LMBR1: variants seen among roughly 807,000 people sequenced by gnomAD.
The protein encoded by LMBR1 is limb region 1 protein homolog.
In LMBR1, 52 loss-of-function variants were observed where a neutral mutation model predicts 73.9. The ratio of observed to expected loss-of-function variants is 0.70; its 90% CI spans 0.56 to 0.89. The LOEUF (loss-of-function observed/expected upper bound fraction) is 0.89, where lower values mean the gene tolerates loss of function less well. LMBR1 is among the 40% of genes least tolerant of loss of function. The probability of loss-of-function intolerance (pLI) is 0.00; values close to 1 mark genes in which losing one functional copy is unlikely to be tolerated. For missense variants in LMBR1, 539 were observed against 579.8 expected, an observed-to-expected ratio of 0.93 and a Z score of 0.72; for synonymous variants, 215 against 209.4, an observed-to-expected ratio of 1.03 and a Z score of -0.23.
chr7:156,724,285 T>C lies in LMBR1; in HGVS notation c.1159-107A>G, dbSNP rs1815250237. ...TGTGCATTCTAGTTACCTAGTGTAC[T>C]TTGCCGATTTCTTAATGATACTATT... On this transcript the variant is annotated intron_variant, in intron 14 of 16. Coordinates refer to ENST00000353442, the MANE Select transcript of LMBR1 (RefSeq NM_022458.4). 2.0e-5 allele frequency: 15 copies of C among 768,268 alleles called. No individual in the cohort carries two copies. In the South Asian group the frequency reaches 2.5e-4, roughly 13 times the overall value. 47.6% of individuals were successfully genotyped at this position (768,268 alleles called of 1,614,324 possible).
At chr7:156,734,480 T>C (rs1817479310) in intron 9 of LMBR1, among the ~76,000 whole-genome samples, 1 of 152,088 alleles carries the variant, frequency 6.6e-6, no homozygotes, top group Non-Finnish European at 1.5e-5. Flanking sequence ...TAATGGACTA[T>C]GGAGAGTCAG....
chr7:156,717,743 G>C (rs1021115860), intron 15 of LMBR1, among the ~76,000 whole-genome samples: 1 of 152,104 alleles, frequency 6.6e-6, no homozygotes, highest in Non-Finnish European at 1.5e-5. Flanking sequence ...ACTCTCTCTA[G>C]GCAGCATAGG....
At chr7:156,761,525 T>A (rs1290995159) in intron 8 of LMBR1, among the ~76,000 whole-genome samples, 1 of 152,224 alleles carries the variant, frequency 6.6e-6, no homozygotes, top group Non-Finnish European at 1.5e-5. Flanking sequence ...CTTTTTGATA[T>A]TAGGCAATGG....
At chr7:156,777,459 A>G (rs968920670) in intron 5 of LMBR1, among the ~76,000 whole-genome samples, 5 of 152,154 alleles carry the variant, frequency 3.3e-5, no homozygotes, top group Non-Finnish European at 5.9e-5. Flanking sequence ...CTGTGGCCCA[A>G]TCTCAGATGT....
At chr7:156,830,342 T>C (rs920985266) in intron 3 of LMBR1, among the ~76,000 whole-genome samples, 1 of 152,208 alleles carries the variant, frequency 6.6e-6, no homozygotes, top group South Asian at 2.1e-4. Flanking sequence ...AGTATTTCAA[T>C]TTTTTTAAAT....
chr7:156,876,929 A>T (rs1317035114), intron 1 of LMBR1, among the ~76,000 whole-genome samples: 2 of 152,140 alleles, frequency 1.3e-5, no homozygotes, highest in African/African-American at 4.8e-5. Context: ...AACAAGAACA[A>T]ACCAAACCCA....
At chr7:156,802,040 T>C (rs977375986) in intron 4 of LMBR1, among the ~76,000 whole-genome samples, 1 of 152,222 alleles carries the variant, frequency 6.6e-6, no homozygotes, top group South Asian at 2.1e-4. Flanking sequence ...TGGAGTGCAA[T>C]GGCGCAATCT....
At chr7:156,830,792 T>G (rs1836546267) in intron 3 of LMBR1, among the ~76,000 whole-genome samples, 1 of 152,212 alleles carries the variant, frequency 6.6e-6, no homozygotes, top group African/African-American at 2.4e-5. Context: ...ATCTCGGAGA[T>G]TCTACCTCAG....
intron 14 of LMBR1, 120 bp downstream of exon 14, chr7:156,725,315 T>C (rs1815503645): frequency 1.6e-6 from 1 of 620,938 alleles, no homozygotes; most frequent in African/African-American, 1.9e-5. Flanking sequence ...AGTTTGTGTT[T>C]ACGCAACTTA....
At position 156,893,097 on chromosome 7, in the gene LMBR1, G is replaced by T. The variant is rs1803475754; in HGVS notation, c.-104C>A. 1.7e-6 allele frequency: 2 copies of T among 1,164,214 alleles called. No homozygotes were observed. The highest frequency in any genetic ancestry group is 3.3e-5 in the East Asian group (1 of 30,372). The allele number at this position is 1,164,214 out of a possible 1,614,324, so 72.1% of individuals were successfully genotyped here. A position where few individuals can be genotyped will look rare whatever the true frequency, so the allele number is the denominator to read the frequency against. ...ACAGCCGCGCCGGGGACCGGAGCCG[G>T]CACGGGCCCGCGAGCCGTGTTGGAA... On this transcript the variant is annotated 5_prime_UTR_variant, in exon 1 of 17. Transcript: ENST00000353442.
At chr7:156,892,724 G>A (rs1333704310) in intron 1 of LMBR1, 3 of 388,324 alleles carry the variant, frequency 7.7e-6, no homozygotes, top group Non-Finnish European at 1.4e-5. Context: ...GGAAGCGAAG[G>A]GGAGGGGAGG....
intron 5 of LMBR1, among the ~76,000 whole-genome samples, chr7:156,766,308 A>G (rs911646530): frequency 7.2e-5 from 11 of 152,132 alleles, no homozygotes; most frequent in Non-Finnish European, 5.9e-5. Flanking sequence ...AGCAAAGGTT[A>G]GACAGGGTTG....
chr7:156,852,822 A>G (rs977956243), intron 1 of LMBR1, among the ~76,000 whole-genome samples: 4 of 152,244 alleles, frequency 2.6e-5, no homozygotes, highest in African/African-American at 9.6e-5. Context: ...TCTGTCCAGA[A>G]TGTCAACAGT....
At chr7:156,676,193 TG>T, downstream of LMBR1, 1 of 1,357,728 alleles carries the variant, frequency 7.4e-7, no homozygotes. Context: ...TTATCACAGG[TG>T]GGTTACTAAC....
chr7:156,772,189 A>C (rs577097827), intron 5 of LMBR1, among the ~76,000 whole-genome samples: 1 of 151,982 alleles, frequency 6.6e-6, no homozygotes, highest in Non-Finnish European at 1.5e-5. Context: ...CAGGAGAATC[A>C]CTTGAACCTG....
intron 3 of LMBR1, chr7:156,833,428 T>C (rs1837033090): frequency 3.6e-6 from 1 of 280,690 alleles, no homozygotes; most frequent in African/African-American, 2.3e-5. Flanking sequence ...CGCTGCTCGG[T>C]TCAAGAGCAT....
At chr7:156,787,231 C>T (rs1007266378) in intron 5 of LMBR1, among the ~76,000 whole-genome samples, 1 of 152,164 alleles carries the variant, frequency 6.6e-6, no homozygotes, top group Non-Finnish European at 1.5e-5. Flanking sequence ...AAAGGTCCCA[C>T]GTTACCTTGT....
intron 1 of LMBR1, among the ~76,000 whole-genome samples, chr7:156,874,335 A>G (rs1440066859): frequency 1.3e-5 from 2 of 152,202 alleles, no homozygotes; most frequent in Non-Finnish European, 2.9e-5. Flanking sequence ...CCGGAACTCC[A>G]GCTGGCCCGC....
intron 1 of LMBR1, among the ~76,000 whole-genome samples, chr7:156,840,964 CAAA>C (rs57968006): frequency 1.5e-4 from 11 of 71,424 alleles, no homozygotes; most frequent in Admixed American, 9.3e-4. Flanking sequence ...GACTCGGTCT[CAAA>C]AAAAAAAAAA....
Sources: allele counts gnomAD v4.1 joint callset (sites outside exome capture counted in the v4.1 genomes callset), GRCh38; gene constraint gnomAD v4.1.1; transcripts MANE v1.5; gene names NCBI Gene and HGNC (gene_info 2026-07-23, HGNC 2026-07-21).